Variants in NPAS3 observed in about 807,000 individuals in gnomAD.
The protein encoded by NPAS3 is neuronal PAS domain protein 3.
A neutral mutation model predicts 73.1 loss-of-function variants in NPAS3; 14 were observed. That is an observed-to-expected ratio of 0.19 (90% confidence interval 0.13 to 0.30). The LOEUF is 0.30. Ranked by LOEUF, NPAS3 falls within the 10% of genes least tolerant of loss-of-function variation. The pLI, the probability that NPAS3 is intolerant of heterozygous loss-of-function variation, is 1.00. For synonymous variants in NPAS3, 620 were observed against 541.5 expected, an observed-to-expected ratio of 1.14 and a Z score of -2.01; for missense variants, 1,096 against 1,250.0, an observed-to-expected ratio of 0.88 and a Z score of 1.86.
intron 9 of NPAS3, chr14:33,780,773 A>G: frequency 2.7e-6 from 1 of 376,242 alleles, no homozygotes; most frequent in Non-Finnish European, 5.2e-6. Flanking sequence ...ATAATTTGAG[A>G]GTGCTGAAAA....
rs190345146 is a variant in NPAS3, at chr14:33,381,391, T to A, written c.468+14123T>A. Among the ~76,000 whole-genome samples the A allele has an allele frequency of 2.1e-3, 313 of 152,358 alleles. 3 individuals are homozygous for A. Among genetic ancestry groups the A allele is most frequent in the Middle Eastern group, 0.01 (3 of 294 alleles). ...CTGGATTCACAGCTAAGCTGTATTA[T>A]TTTTTAACTAGGAATTGGATTGCTG... On this transcript the variant is annotated intron_variant, in intron 4 of 11. Coordinates refer to ENST00000356141, the Ensembl canonical transcript of NPAS3.
chr14:33,394,802 G>A (rs1222460079), intron 4 of NPAS3, among the ~76,000 whole-genome samples: 2 of 152,164 alleles, frequency 1.3e-5, no homozygotes, highest in Non-Finnish European at 2.9e-5. Flanking sequence ...TCAAGAGATC[G>A]ATCAGGTTGA....
At chr14:33,388,938 T>C (rs1002563188) in intron 4 of NPAS3, among the ~76,000 whole-genome samples, 1 of 152,168 alleles carries the variant, frequency 6.6e-6, no homozygotes, top group African/African-American at 2.4e-5. Context: ...ACTTGATAAC[T>C]TCACTGCTAT....
chr14:33,750,899 T>C (rs2061944687), intron 7 of NPAS3, among the ~76,000 whole-genome samples: 1 of 152,154 alleles, frequency 6.6e-6, no homozygotes, highest in African/African-American at 2.4e-5. Context: ...CTGTCTGGTA[T>C]AAAAGGAGAG....
At chr14:33,740,970 C>T (rs529241870) in intron 7 of NPAS3, among the ~76,000 whole-genome samples, 8 of 152,166 alleles carry the variant, frequency 5.3e-5, no homozygotes, top group African/African-American at 1.9e-4. Flanking sequence ...AATAAGAATG[C>T]TGATTCTTAT....
rs5807721 is a variant in NPAS3, at chr14:33,373,386, A to ATGTGTGTGTGTGTG, written c.468+6140_468+6153dup. On this transcript the variant is annotated intron_variant, in intron 4 of 11. Coordinates refer to ENST00000356141, the Ensembl canonical transcript of NPAS3. ...TTGTCAGCATATTATATTGAACTAT[A>ATGTGTGTGTGTGTG]TGTGTGTGTGTGTGTGTGTGTGTGT... Among the ~76,000 whole-genome samples, 8 of 147,250 alleles carry ATGTGTGTGTGTGTG rather than the reference A, an allele frequency of 5.4e-5. No individual in the cohort carries two copies. In the East Asian group the frequency reaches 1.0e-3, roughly 18 times the overall value.
At chr14:33,458,034 T>G (rs942149171) in intron 4 of NPAS3, among the ~76,000 whole-genome samples, 8 of 152,194 alleles carry the variant, frequency 5.3e-5, no homozygotes, top group Admixed American at 5.2e-4. Context: ...TGACAATACT[T>G]TCAAGGACAT....
chr14:33,509,057 C>CA (rs549407552), intron 4 of NPAS3, among the ~76,000 whole-genome samples: 1 of 146,306 alleles, frequency 6.8e-6, no homozygotes, highest in Non-Finnish European at 1.5e-5. Flanking sequence ...TATCCAACTA[C>CA]TTTTTTTTTT....
At chr14:33,305,668 A>C (rs895527772) in intron 3 of NPAS3, among the ~76,000 whole-genome samples, 1 of 152,142 alleles carries the variant, frequency 6.6e-6, no homozygotes, top group Non-Finnish European at 1.5e-5. Context: ...AGGTTTTTGT[A>C]GCCTTCTAAA....
chr14:33,484,903 A>G (rs1328041247), intron 4 of NPAS3, among the ~76,000 whole-genome samples: 2 of 151,952 alleles, frequency 1.3e-5, no homozygotes, highest in African/African-American at 4.8e-5. Flanking sequence ...CACAGATTTC[A>G]TTTTCTTGTT....
chr14:33,472,349 T>C (rs1275078935), intron 4 of NPAS3, among the ~76,000 whole-genome samples: 1 of 152,172 alleles, frequency 6.6e-6, no homozygotes, highest in East Asian at 1.9e-4. Context: ...AGACTTTTTG[T>C]AAGGAGTTTT....
Position 33,157,171 on chromosome 14 carries a change from G to A in NPAS3, c.141-58011G>A, listed in dbSNP as rs199825115. Reference sequence around the variant, plus strand: ...TACTGCACTTTTCTATGGGGAAATTGAGCAAACAAAAGTTTGTTATAGCAT... The same window carrying A: ...TACTGCACTTTTCTATGGGGAAATTAAGCAAACAAAAGTTTGTTATAGCAT... On this transcript the variant is annotated intron_variant, in intron 2 of 11. Transcript: ENST00000356141. Among the ~76,000 whole-genome samples the A allele has an allele frequency of 1.4e-4, 22 of 152,316 alleles. No individual in the cohort carries two copies. The East Asian group carries it at 4.2e-3, about 29-fold the overall frequency.
chr14:33,207,800 T>C (rs1384340073), intron 2 of NPAS3, among the ~76,000 whole-genome samples: 2 of 152,128 alleles, frequency 1.3e-5, no homozygotes, highest in African/African-American at 4.8e-5. Context: ...AAGCAATTGA[T>C]TGGTCTTGGC....
chr14:33,778,517 C>T (rs2062887892), exon 9 of NPAS3: 1 of 1,613,936 alleles, frequency 6.2e-7, no homozygotes, highest in Non-Finnish European at 8.5e-7. Flanking sequence ...GGAAGAGATG[C>T]TACCACTTCA....
intron 6 of NPAS3, among the ~76,000 whole-genome samples, chr14:33,697,794 C>T (rs997706064): frequency 2.6e-5 from 4 of 152,100 alleles, no homozygotes; most frequent in East Asian, 1.9e-4. Context: ...TTAATCATGG[C>T]GAGTGAGATT....
At chr14:33,152,050 T>G (rs546344977) in intron 2 of NPAS3, among the ~76,000 whole-genome samples, 1 of 152,150 alleles carries the variant, frequency 6.6e-6, no homozygotes, top group Non-Finnish European at 1.5e-5. Context: ...CTGAGGACAT[T>G]TGTCAATATC....
At chr14:33,354,172 A>T (rs2045219566) in intron 3 of NPAS3, among the ~76,000 whole-genome samples, 1 of 152,086 alleles carries the variant, frequency 6.6e-6, no homozygotes, top group Non-Finnish European at 1.5e-5. Context: ...AAGTCACTTT[A>T]AAAAATATCC....
intron 2 of NPAS3, among the ~76,000 whole-genome samples, chr14:33,057,416 C>A (rs1218525656): frequency 6.6e-6 from 1 of 152,008 alleles, no homozygotes; most frequent in Non-Finnish European, 1.5e-5. Flanking sequence ...TTTGAAAAAT[C>A]CTTTTGTTGT....
intron 6 of NPAS3, among the ~76,000 whole-genome samples, chr14:33,708,015 C>G (rs921520060): frequency 1.3e-5 from 2 of 152,168 alleles, no homozygotes; most frequent in Admixed American, 6.5e-5. Context: ...TATTACCTCA[C>G]CAGGGGCTGA....
Sources: allele counts gnomAD v4.1 joint callset (sites outside exome capture counted in the v4.1 genomes callset), GRCh38; gene constraint gnomAD v4.1.1; transcripts MANE v1.5; gene names NCBI Gene and HGNC (gene_info 2026-07-23, HGNC 2026-07-21).